Variants in PARP10 observed in about 807,000 individuals in gnomAD.
PARP10 encodes poly(ADP-ribose) polymerase family member 10.
A neutral mutation model predicts 82.4 loss-of-function variants in PARP10; 56 were observed. The observed-to-expected ratio is 0.68, with a 90% CI of 0.55 to 0.85. The LOEUF is 0.85. PARP10 is among the 40% of genes least tolerant of loss of function. The pLI, the probability that PARP10 is intolerant of heterozygous loss-of-function variation, is 0.00. For synonymous variants in PARP10, 576 were observed against 601.1 expected, an observed-to-expected ratio of 0.96 and a Z score of 0.61; for missense variants, 1,227 against 1,379.4, an observed-to-expected ratio of 0.89 and a Z score of 1.75.
At chr8:143,987,529 G>T (rs1834011817), upstream of PARP10, among the ~76,000 whole-genome samples, 1 of 152,214 alleles carries the variant, frequency 6.6e-6, no homozygotes, top group Non-Finnish European at 1.5e-5. Context: ...CTCAACAGAG[G>T]TGTCAGGGTG....
At chr8:143,992,885 C>T, upstream of PARP10, 1 of 1,582,778 alleles carries the variant, frequency 6.3e-7, no homozygotes, top group Middle Eastern at 1.7e-4. Flanking sequence ...CACGGCTGGC[C>T]TGGACCCTGC....
Position 143,986,080 on chromosome 8 carries a change from GC to G in PARP10, c.155del (p.Gly52AlafsTer27). The G allele has an allele frequency of 6.2e-7, 1 of 1,613,960 alleles. No individual in the cohort carries two copies. Among genetic ancestry groups the G allele is most frequent in the Non-Finnish European group, 8.5e-7 (1 of 1,179,962 alleles). On this transcript the variant is annotated frameshift_variant, in exon 2 of 11. Transcript: ENST00000313028. LOFTEE classifies it high-confidence loss of function. ...CTGCAGGCTCTCTGAAGGTGAGGAC[GC>G]CCCCACAGCCCAGTCTCTGCCAGCT... is the stretch of plus-strand genomic sequence containing the variant. ...VLSWQRLGCGGVLTFREPADA... is the reference protein window; with the variant it reads ...VLSWQRLGCGXVLTFREPADA...
chr8:143,983,467 G>T lies in PARP10; in HGVS notation c.2122C>A (p.Gln708Lys). 6.2e-7 allele frequency: 1 copy of T among 1,606,908 alleles called. No homozygotes were observed. Among genetic ancestry groups the T allele is most frequent in the Non-Finnish European group, 8.5e-7 (1 of 1,178,788 alleles). Residue 708 changes from glutamine to lysine, a missense_variant, in exon 8 of 11, where the codon CAG becomes AAG. By Grantham distance (53) the Gln-to-Lys change is moderately conservative (BLOSUM62 1). Coordinates refer to ENST00000313028, the MANE Select transcript of PARP10 (RefSeq NM_032789.5). Reference protein sequence around the residue: ...PPDGGTDGKAQLVVHSAFEQD... With the variant: ...PPDGGTDGKAKLVVHSAFEQD... ...TCAAAGGCCGAGTGCACCACCAGCT[G>T]GGCCTTGCCATCAGTCCCCCCATCT...
intron 9 of PARP10, 37 bp from the exon 10 acceptor site, chr8:143,978,118 C>T (rs1554746880): frequency 6.8e-7 from 1 of 1,461,308 alleles, no homozygotes. Context: ...AAACACCCTC[C>T]CTACGCCCTG....
Position 143,983,513 on chromosome 8 carries a change from C to T in PARP10, c.2076G>A (p.Pro692=), listed in dbSNP as rs781917074. Residue 692 remains proline (P), a synonymous_variant, in exon 8 of 11, where the codon CCG becomes CCA. Coordinates refer to ENST00000313028, the MANE Select transcript of PARP10 (RefSeq NM_032789.5). ...ALTLSLLEQP[P]LEAEEPPDGG... ...CATCTGGGGGCTCTTCTGCCTCCAA[C>T]GGGGGCTGCTCCAGCAGGGAGAGGG... The T allele has an allele frequency of 8.2e-5, 132 of 1,605,556 alleles. No homozygotes were observed. The highest frequency in any genetic ancestry group is 5.2e-4 in the Admixed American group (31 of 59,260).
upstream of PARP10, among the ~76,000 whole-genome samples, chr8:143,987,906 C>A (rs1424200780): frequency 6.6e-6 from 1 of 151,096 alleles, no homozygotes; most frequent in Admixed American, 6.6e-5. Context: ...AAAACAAAAA[C>A]CCAAAGTCCT....
At chr8:144,001,873 C>CGTGTGTGTGTGT (rs57117824) in intron 1 of PARP10, among the ~76,000 whole-genome samples, 1,542 of 136,480 alleles carry the variant, frequency 0.011, 41 homozygotes, top group African/African-American at 0.04. Flanking sequence ...AATATATATA[C>CGTGTGTGTGTGT]GTGTGTGTGT....
upstream of PARP10, among the ~76,000 whole-genome samples, chr8:143,996,056 A>G (rs1834162514): frequency 6.6e-6 from 1 of 152,090 alleles, no homozygotes; most frequent in Non-Finnish European, 1.5e-5. Context: ...CCTCCCCCAG[A>G]TTACTCAAGC....
chr8:143,998,600 G>A (rs537009277), intron 1 of PARP10, among the ~76,000 whole-genome samples: 1 of 152,264 alleles, frequency 6.6e-6, no homozygotes, highest in South Asian at 2.1e-4. Flanking sequence ...TGGATGTTAA[G>A]AAAAATACAC....
At chr8:143,992,946 A>T, upstream of PARP10, 4 of 952,652 alleles carry the variant, frequency 4.2e-6, no homozygotes, top group South Asian at 1.6e-5. Context: ...GTCCCCAGGC[A>T]CAGCCTAGGG....
At chr8:143,988,528 C>G (rs970583212), upstream of PARP10, among the ~76,000 whole-genome samples, 2 of 151,364 alleles carry the variant, frequency 1.3e-5, no homozygotes, top group Non-Finnish European at 2.9e-5. Flanking sequence ...TGCGGTGGCA[C>G]GATCTCAGCT....
At chr8:143,981,209 C>G (rs935667150) in intron 9 of PARP10, among the ~76,000 whole-genome samples, 1 of 152,104 alleles carries the variant, frequency 6.6e-6, no homozygotes, top group Non-Finnish European at 1.5e-5. Context: ...TGGTGGTGAT[C>G]CTGGTGGCGG....
At chr8:143,986,852 C>T (rs548079418), upstream of PARP10, 10 of 178,162 alleles carry the variant, frequency 5.6e-5, no homozygotes, top group Admixed American at 1.1e-4. Context: ...GGCCCGCCCC[C>T]GGCCAAGGCT....
Position 143,985,082 on chromosome 8 carries a change from G to A in PARP10, c.920C>T (p.Ser307Phe). The A allele has an allele frequency of 6.2e-7, 1 of 1,613,940 alleles. No homozygotes were observed. The highest frequency in any genetic ancestry group is 8.5e-7 in the Non-Finnish European group (1 of 1,179,956). The change falls in exon 5 of 11, where the codon TCT becomes TTT. Residue 307 changes from serine to phenylalanine, a missense_variant. Physicochemically the swap from Ser to Phe is radical, Grantham distance 155 (BLOSUM62 -2). Transcript: ENST00000313028. ...SGEEPGQSGA[S>F]LRTGPMVQGR... is the part of the protein sequence containing the mutation. ...CTGCACCATGGGACCTGTCCTCAGA[G>A]AGGCCCCTGACTGCCCTGGTTCCTC...
In PARP10 at chr8:143,984,707, G is replaced by A. The variant is rs1554748743; in HGVS notation, c.1295C>T (p.Pro432Leu). The change falls in exon 5 of 11, where the codon CCA becomes CTA. Residue 432 changes from proline to leucine, a missense_variant. Pro to Leu is a moderately conservative substitution (Grantham distance 98). Coordinates refer to ENST00000313028, the MANE Select transcript of PARP10 (RefSeq NM_032789.5). ...CTGCCCTGCCAGCTTCACACATCCT[G>A]GGCTCACAGGCCCTGCCTTCTCCAG... Reference protein sequence around the residue: ...GSLEKAGPVSPGCVKLAGQEG... With the variant: ...GSLEKAGPVSLGCVKLAGQEG... 1.9e-6 allele frequency: 3 copies of A among 1,613,626 alleles called. No homozygotes were observed. The highest frequency in any genetic ancestry group is 1.7e-6 in the Non-Finnish European group (2 of 1,179,852).
intron 1 of PARP10, among the ~76,000 whole-genome samples, chr8:144,005,857 G>A (rs1218914554): frequency 2.0e-5 from 3 of 151,604 alleles, no homozygotes; most frequent in Non-Finnish European, 4.4e-5. Flanking sequence ...AGCCCCCTCC[G>A]CTCTTGCCCC....
At chr8:144,003,359 G>T (rs1014247370) in intron 1 of PARP10, among the ~76,000 whole-genome samples, 1 of 148,768 alleles carries the variant, frequency 6.7e-6, no homozygotes, top group East Asian at 2.0e-4. Context: ...GGAGGCGAAG[G>T]TTGCAGTGAG....
Position 144,008,295 on chromosome 8 carries a change from C to T in PARP10, c.-80+4235G>A, listed in dbSNP as rs1300204485. 2.6e-5 allele frequency among the ~76,000 whole-genome samples: 4 copies of T among 152,294 alleles called. No homozygotes were observed. The highest frequency in any genetic ancestry group is 1.9e-4 in the East Asian group (1 of 5,184). On this transcript the variant is annotated intron_variant, in intron 1 of 3. Transcript: ENST00000530478. The surrounding 1 kb of genome is among the most constrained non-coding windows in gnomAD (Gnocchi z 4.0). ...CTCCCGGCTGCAGGCCCCCATTCTT[C>T]GGCAACTTTATGCCTTGAAAAGACG...
upstream of PARP10, chr8:143,991,753 C>T (rs138979921): frequency 2.0e-5 from 32 of 1,613,788 alleles, no homozygotes; most frequent in African/African-American, 3.9e-4. Flanking sequence ...ACCAGGACTT[C>T]CCTGCCACCA....
Sources: gnomAD v4.1 joint callset for allele counts (sites outside exome capture counted in the v4.1 genomes callset) on GRCh38, gnomAD v4.1.1 for gene constraint, Gnocchi (gnomAD v3.1) non-coding constraint, MANE v1.5 for transcripts, NCBI Gene and HGNC (gene_info 2026-07-23, HGNC 2026-07-21) for gene names.